Variants in DPYD observed in about 807,000 individuals in gnomAD.
The protein encoded by DPYD is dihydropyrimidine dehydrogenase, also known as dihydropyrimidine dehydrogenase [NADP(+)].
In DPYD, 109 loss-of-function variants were observed where a neutral mutation model predicts 116.2. The ratio of observed to expected loss-of-function variants is 0.94; its 90% CI spans 0.80 to 1.10. The LOEUF (loss-of-function observed/expected upper bound fraction) is 1.10. Ranked by LOEUF, DPYD falls within the 50% of genes least tolerant of loss-of-function variation. The pLI is 0.00. For synonymous variants in DPYD, 440 were observed against 432.0 expected (o/e 1.02, Z -0.23); for missense variants, 1,302 against 1,254.5 (o/e 1.04, Z -0.57).
intron 8 of DPYD, among the ~76,000 whole-genome samples, chr1:97,602,309 C>G (rs968646214): frequency 3.3e-5 from 5 of 152,008 alleles, no homozygotes; most frequent in African/African-American, 9.6e-5. Flanking sequence ...AGAAAACACA[C>G]AAATTCTATC....
intron 11 of DPYD, among the ~76,000 whole-genome samples, chr1:97,551,603 A>AT (rs111344341): frequency 0.063 from 9,490 of 151,606 alleles, 340 homozygotes; most frequent in Middle Eastern, 0.14. Context: ...AGATCAAAGC[A>AT]TTTTTTTTTA....
chr1:97,617,916 A>T (rs559430686), intron 8 of DPYD, among the ~76,000 whole-genome samples: 132 of 152,318 alleles, frequency 8.7e-4, no homozygotes, highest in African/African-American at 2.6e-3. Context: ...AGAAGGAAAA[A>T]GTCTCAAGCT....
intron 13 of DPYD, among the ~76,000 whole-genome samples, chr1:97,468,894 A>G (rs538688958): frequency 1.3e-5 from 2 of 152,336 alleles, no homozygotes; most frequent in South Asian, 4.1e-4. Context: ...TTTATTTATA[A>G]TAAGTAGCAG....
chr1:97,265,875 C>T (rs940769656), intron 18 of DPYD, among the ~76,000 whole-genome samples: 1 of 152,004 alleles, frequency 6.6e-6, no homozygotes, highest in Non-Finnish European at 1.5e-5. Flanking sequence ...CTAAGAAAAC[C>T]CCATCACTCT....
intron 18 of DPYD, among the ~76,000 whole-genome samples, chr1:97,278,835 CTG>C (rs568711231): frequency 1.3e-5 from 2 of 152,140 alleles, no homozygotes; most frequent in South Asian, 4.1e-4. Flanking sequence ...TGAATTTTAA[CTG>C]TGTGTAGATA....
At chr1:97,147,688 T>C (rs1557892633) in intron 20 of DPYD, among the ~76,000 whole-genome samples, 1 of 152,186 alleles carries the variant, frequency 6.6e-6, no homozygotes, top group Non-Finnish European at 1.5e-5. Flanking sequence ...CTGTAAGACT[T>C]ACACATATTT....
In DPYD at chr1:97,128,522, T is replaced by G. The variant is rs150485868; in HGVS notation, c.2623-29890A>C. Among the ~76,000 whole-genome samples the G allele has an allele frequency of 5.0e-3, 765 of 152,334 alleles. 10 individuals are homozygous for G. The highest frequency in any genetic ancestry group is 0.017 in the African/African-American group (721 of 41,584). On this transcript the variant is annotated intron_variant, in intron 20 of 22. Transcript: ENST00000370192. ...TGCTTTAGTATACCCTTATAATACT[T>G]TCAAATATATCTATAAAACTTTACA...
chr1:97,720,001 C>T (rs1254384673), intron 5 of DPYD: 2 of 984,850 alleles, frequency 2.0e-6, no homozygotes, highest in Non-Finnish European at 2.4e-6. Flanking sequence ...TCTGAAGGCA[C>T]ATGTCTCTGT....
intron 20 of DPYD, among the ~76,000 whole-genome samples, chr1:97,109,403 C>T (rs1405885983): frequency 6.6e-6 from 1 of 152,040 alleles, no homozygotes. Context: ...CTTCAAAATG[C>T]TACTGCTTTC....
intron 20 of DPYD, among the ~76,000 whole-genome samples, chr1:97,157,122 TG>T (rs1422963027): frequency 3.7e-5 from 2 of 53,382 alleles, no homozygotes; most frequent in Non-Finnish European, 6.8e-5. Flanking sequence ...TGTTGTGGGG[TG>T]GGGGGAGGGG....
chr1:97,910,538 T>A (rs1160845939), intron 1 of DPYD, among the ~76,000 whole-genome samples: 1 of 152,108 alleles, frequency 6.6e-6, no homozygotes, highest in Non-Finnish European at 1.5e-5. Context: ...AAGTATGATT[T>A]CTATCCCCAC....
chr1:97,441,836 T>C (rs561114905), intron 14 of DPYD, among the ~76,000 whole-genome samples: 39 of 152,324 alleles, frequency 2.6e-4, no homozygotes, highest in African/African-American at 8.9e-4. Flanking sequence ...TTAAGTTATA[T>C]GGAAACACGT....
At chr1:97,778,190 G>GAAAGAA (rs1394353520) in intron 3 of DPYD, among the ~76,000 whole-genome samples, 8 of 82,934 alleles carry the variant, frequency 9.6e-5, no homozygotes, top group East Asian at 3.0e-4. Context: ...AAGAAAGAAA[G>GAAAGAA]AGAGAGAGAG....
intron 2 of DPYD, among the ~76,000 whole-genome samples, chr1:97,847,165 A>G (rs557628380): frequency 1.6e-4 from 25 of 152,320 alleles, no homozygotes; most frequent in African/African-American, 5.8e-4. Context: ...TTTTTCCTCA[A>G]AATAACTGTC....
intron 3 of DPYD, among the ~76,000 whole-genome samples, chr1:97,747,190 CAAT>C (rs1000369624): frequency 6.6e-6 from 1 of 151,854 alleles, no homozygotes; most frequent in African/African-American, 2.4e-5. Context: ...TTTTATATAT[CAAT>C]AATACAGAAA....
chr1:97,733,144 C>A (rs1416351670), intron 4 of DPYD, among the ~76,000 whole-genome samples: 1 of 151,980 alleles, frequency 6.6e-6, no homozygotes, highest in Non-Finnish European at 1.5e-5. Flanking sequence ...ATATTTGGAA[C>A]TATTTTAGCA....
intron 21 of DPYD, among the ~76,000 whole-genome samples, chr1:97,088,636 C>T (rs1284265365): frequency 6.6e-6 from 1 of 151,986 alleles, no homozygotes; most frequent in African/African-American, 2.4e-5. Context: ...CATACTCCAC[C>T]CTGAGGTTTG....
chr1:97,537,931 G>T (rs1318491512), intron 12 of DPYD, among the ~76,000 whole-genome samples: 1 of 152,176 alleles, frequency 6.6e-6, no homozygotes, highest in East Asian at 1.9e-4. Flanking sequence ...ACTGGGCGTG[G>T]TGGCATATGC....
chr1:97,189,219 G>A (rs1269091939), intron 20 of DPYD, among the ~76,000 whole-genome samples: 3 of 152,156 alleles, frequency 2.0e-5, no homozygotes, highest in Admixed American at 6.5e-5. Context: ...ATACAACTGC[G>A]ATGTGATACT....
Sources: allele counts gnomAD v4.1 joint callset (sites outside exome capture counted in the v4.1 genomes callset), GRCh38; gene constraint gnomAD v4.1.1; transcripts MANE v1.5; gene names NCBI Gene and HGNC (gene_info 2026-07-23, HGNC 2026-07-21).